MYO6: variants seen among roughly 807,000 people sequenced by gnomAD.
MYO6 encodes unconventional myosin-VI.
Under a neutral mutation model 178.7 loss-of-function variants are expected in MYO6, and 74 were observed. The ratio of observed to expected loss-of-function variants is 0.41; its 90% CI spans 0.34 to 0.50. The LOEUF (loss-of-function observed/expected upper bound fraction) is 0.50. Among genes scored for constraint, MYO6 ranks in the 20% least tolerant of loss-of-function variants. The probability of loss-of-function intolerance (pLI) is 0.09; values close to 1 mark genes in which losing one functional copy is unlikely to be tolerated. For missense variants in MYO6, 1,330 were observed against 1,547.4 expected (o/e 0.86, Z 2.36); for synonymous variants, 477 against 504.6 (o/e 0.95, Z 0.73).
At chr6:75,902,234 T>C (rs151294761) in intron 30 of MYO6, among the ~76,000 whole-genome samples, 59,575 of 151,964 alleles carry the variant, frequency 0.39, 12,690 homozygotes, top group Middle Eastern at 0.54. Flanking sequence ...ATAATGCTGG[T>C]CTCATAAAAT....
chr6:75,857,334 C>T, intron 13 of MYO6, 80 bp downstream of exon 13: 1 of 1,395,968 alleles, frequency 7.2e-7, no homozygotes, highest in Admixed American at 1.7e-5. Context: ...ATCTTTTCTC[C>T]TTTGTAACTC....
chr6:75,781,917 CAAAAAAAAAAAAAAA>C (rs10584481), intron 1 of MYO6, among the ~76,000 whole-genome samples: 1 of 44,658 alleles, frequency 2.2e-5, no homozygotes, highest in Non-Finnish European at 4.4e-5. Context: ...GACTCCATCT[CAAAAAAAAAAAAAAA>C]AAAAAAAAAA....
In MYO6 at chr6:75,840,591, C is replaced by T. The variant is rs765034352; in HGVS notation, c.560C>T (p.Pro187Leu). The change falls in exon 8 of 35, where the codon CCA becomes CTA. Residue 187 changes from proline (P) to leucine (L), a missense_variant. Transcript: ENST00000369977. Reference sequence around the variant, plus strand: ...TTTTTTTGTTTCTCAATAGCTAACCCACTCCTAGAAGCCTTTGGAAATGCG... The same window carrying T: ...TTTTTTTGTTTCTCAATAGCTAACCTACTCCTAGAAGCCTTTGGAAATGCG... The part of the protein sequence containing the change: ...DIDDRIVEAN[P>L]LLEAFGNAKT... 6.2e-7 allele frequency: 1 copy of T among 1,613,002 alleles called. No individual in the cohort carries two copies. Among genetic ancestry groups the T allele is most frequent in the Non-Finnish European group, 8.5e-7 (1 of 1,179,116 alleles).
chr6:75,878,414 C>T (rs923673427), intron 20 of MYO6, among the ~76,000 whole-genome samples: 26 of 152,072 alleles, frequency 1.7e-4, no homozygotes, highest in East Asian at 3.9e-4. Flanking sequence ...ATAGATTTAC[C>T]GAGCCAAAGG....
intron 9 of MYO6, among the ~76,000 whole-genome samples, chr6:75,842,838 G>C (rs899438318): frequency 6.6e-6 from 1 of 152,084 alleles, no homozygotes; most frequent in Non-Finnish European, 1.5e-5. Context: ...TTGGAGGCTT[G>C]GGAGTATAGT....
chr6:75,912,923 CA>C lies in MYO6; in HGVS notation c.3440-1137del, dbSNP rs1270509280. Among the ~76,000 whole-genome samples the C allele has an allele frequency of 3.7e-4, 56 of 152,048 alleles. 1 individual carries two copies. The highest frequency in any genetic ancestry group is 3.6e-3 in the Admixed American group (55 of 15,276). ...ACTGCTTTTTGCTTTCTCTGGTTTG[CA>C]AAGAAATAAATTCAACTGCTATAAA... On this transcript the variant is annotated intron_variant, in intron 33 of 34. Transcript: ENST00000369977.
chr6:75,756,196 G>A (rs1777331398), intron 1 of MYO6, among the ~76,000 whole-genome samples: 3 of 150,754 alleles, frequency 2.0e-5, no homozygotes, highest in Non-Finnish European at 4.4e-5. Context: ...GGTGTTTGAG[G>A]CCAGCCTAGG....
At chr6:75,849,737 A>C (rs1775080831) in intron 11 of MYO6, among the ~76,000 whole-genome samples, 1 of 152,212 alleles carries the variant, frequency 6.6e-6, no homozygotes, top group Non-Finnish European at 1.5e-5. Flanking sequence ...AAATACGTGC[A>C]GGGGGAAGAT....
At chr6:75,757,359 CTGTG>C (rs372864392) in intron 1 of MYO6, among the ~76,000 whole-genome samples, 2 of 145,906 alleles carry the variant, frequency 1.4e-5, no homozygotes, top group African/African-American at 2.5e-5. Context: ...CATCAGAAGT[CTGTG>C]TGTGTGTGTG....
intron 23 of MYO6, 58 bp downstream of exon 23, chr6:75,881,876 G>A (rs1778059659): frequency 1.3e-6 from 2 of 1,599,816 alleles, no homozygotes; most frequent in Non-Finnish European, 1.7e-6. Context: ...GGTTTGTGGA[G>A]TGTTGTAAAG....
chr6:75,839,251 C>T (rs923053626), intron 7 of MYO6, among the ~76,000 whole-genome samples: 8 of 151,764 alleles, frequency 5.3e-5, no homozygotes, highest in East Asian at 1.9e-4. Flanking sequence ...TGCAGTGGCG[C>T]GATCTCGGCT....
At position 75,817,304 on chromosome 6, in the gene MYO6, C is replaced by CAA. The variant is rs759910571; in HGVS notation, c.-47-180_-47-179dup. 2.1e-3 allele frequency among the ~76,000 whole-genome samples: 133 copies of CAA among 62,964 alleles called. 1 individual carries two copies. Among genetic ancestry groups the CAA allele is most frequent in the African/African-American group, 6.6e-3 (128 of 19,260 alleles). 41.3% of individuals were successfully genotyped at this position (62,964 alleles called of 152,430 possible). On this transcript the variant is annotated intron_variant, in intron 1 of 34. Coordinates refer to ENST00000369977, the MANE Select transcript of MYO6 (RefSeq NM_004999.4). The stretch of plus-strand genomic sequence containing the variant: ...TGGGTGAGAGAGTGAGATTCCGTCT[C>CAA]AAAAAAAAAAAAAAAAAAGTAGATA...
chr6:75,845,241 A>G (rs1376070336), intron 10 of MYO6, among the ~76,000 whole-genome samples: 1 of 152,196 alleles, frequency 6.6e-6, no homozygotes, highest in African/African-American at 2.4e-5. Context: ...GCATGAAGGT[A>G]TTAAATTGCC....
intron 11 of MYO6, among the ~76,000 whole-genome samples, chr6:75,854,151 A>G (rs1166750269): frequency 6.6e-6 from 1 of 152,150 alleles, no homozygotes; most frequent in Non-Finnish European, 1.5e-5. Flanking sequence ...TTCTGCTGCA[A>G]TATATCTTTT....
intron 23 of MYO6, 49 bp from the exon 24 acceptor site, chr6:75,885,955 G>A: frequency 8.7e-7 from 1 of 1,149,106 alleles, no homozygotes; most frequent in Non-Finnish European, 1.3e-6. Context: ...ATATATGTTA[G>A]ATTTAAACTG....
At chr6:75,881,552 T>C in intron 22 of MYO6, 137 bp from the exon 23 acceptor site, 1 of 812,438 alleles carries the variant, frequency 1.2e-6, no homozygotes, top group Non-Finnish European at 2.0e-6. Context: ...TTGTATTCTC[T>C]GCCAAGGCCT....
At chr6:75,880,821 T>C (rs1275107645) in intron 22 of MYO6, among the ~76,000 whole-genome samples, 1 of 152,250 alleles carries the variant, frequency 6.6e-6, no homozygotes, top group African/African-American at 2.4e-5. Context: ...TAGTGGGTTA[T>C]TTGGTAAAGG....
intron 18 of MYO6, among the ~76,000 whole-genome samples, chr6:75,869,849 C>T (rs1447209509): frequency 3.3e-5 from 5 of 152,112 alleles, no homozygotes; most frequent in Non-Finnish European, 5.9e-5. Context: ...TGCGGTGGCT[C>T]ATGCCTGTAA....
At chr6:75,859,028 A>C in intron 14 of MYO6, 35 bp downstream of exon 14, 1 of 1,328,240 alleles carries the variant, frequency 7.5e-7, no homozygotes, top group African/African-American at 1.4e-5. Context: ...TAAGATCTGC[A>C]TAAAGCTATT....
Sources: gnomAD v4.1 joint callset for allele counts (sites outside exome capture counted in the v4.1 genomes callset) on GRCh38, gnomAD v4.1.1 for gene constraint, MANE v1.5 for transcripts, NCBI Gene and HGNC (gene_info 2026-07-23, HGNC 2026-07-21) for gene names.